The following APOL4 variants were observed in gnomAD, a reference collection of about 807,000 sequenced individuals.
APOL4 encodes apolipoprotein L4.
Under a neutral mutation model 12.1 loss-of-function variants are expected in APOL4, and 14 were observed. The observed-to-expected ratio is 1.16, with a 90% CI of 0.76 to 1.81. APOL4 has a LOEUF of 1.81. Among genes scored for constraint, APOL4 ranks in the 40% most tolerant of loss-of-function variants. The probability of loss-of-function intolerance (pLI) is 0.00; values close to 1 mark genes in which losing one functional copy is unlikely to be tolerated. For missense variants in APOL4, 432 were observed against 423.1 expected, an observed-to-expected ratio of 1.02 and a Z score of -0.18; for synonymous variants, 171 against 160.6, an observed-to-expected ratio of 1.06 and a Z score of -0.49.
chr22:36,199,032 C>G (rs1029824143), intron 2 of APOL4, among the ~76,000 whole-genome samples: 1 of 152,230 alleles, frequency 6.6e-6, no homozygotes, highest in Non-Finnish European at 1.5e-5. Flanking sequence ...TCCATTTCCC[C>G]AAGGCTGTCC....
In APOL4 at chr22:36,189,249, T is replaced by G. The variant is rs960349029; in HGVS notation, c.*1826A>C. 1.3e-5 allele frequency: 2 copies of G among 152,264 alleles called. No individual in the cohort carries two copies. The highest frequency in any genetic ancestry group is 2.1e-4 in the South Asian group (1 of 4,836). The allele number at this position is 152,264 out of a possible 1,614,324, so 9.4% of individuals were successfully genotyped here. ...GTTAATTTTCTGGCTCTTTGTCTAC[T>G]ATATATGAGCAACGAGACTTTTACT... On this transcript the variant is annotated 3_prime_UTR_variant, in exon 4 of 4. Coordinates refer to ENST00000683024, the MANE Select transcript of APOL4 (RefSeq NM_001386885.1).
At chr22:36,197,666 T>C (rs2146943856) in intron 2 of APOL4, 1 of 1,549,856 alleles carries the variant, frequency 6.5e-7, no homozygotes, top group African/African-American at 1.4e-5. Context: ...CAGCTTAACC[T>C]CGGCCAGTCA....
At chr22:36,196,369 A>T (rs2014413253) in intron 2 of APOL4, among the ~76,000 whole-genome samples, 1 of 152,168 alleles carries the variant, frequency 6.6e-6, no homozygotes, top group South Asian at 2.1e-4. Flanking sequence ...TGTGTTTAGG[A>T]TGGCAGCATT....
Position 36,197,034 on chromosome 22 carries a change from G to A in APOL4, c.83-1597C>T, listed in dbSNP as rs1375477723. On this transcript the variant is annotated intron_variant, in intron 2 of 3. Transcript: ENST00000683024. ...CTTGTGGCCCCTCCGTGTTGCCTCT[G>A]TCCCCTGCAGGCTGGTCTCAGGGTA... Among the ~76,000 whole-genome samples the A allele has an allele frequency of 3.3e-5, 5 of 152,238 alleles. No homozygotes were observed. In the East Asian group the frequency reaches 7.7e-4, roughly 24 times the overall value.
At chr22:36,198,477 C>T (rs2014476267) in intron 2 of APOL4, among the ~76,000 whole-genome samples, 2 of 152,130 alleles carry the variant, frequency 1.3e-5, no homozygotes, top group African/African-American at 4.8e-5. Context: ...GTTGTTGTGC[C>T]TCAGATGTTT....
intron 2 of APOL4, among the ~76,000 whole-genome samples, 153 bp from the exon 3 acceptor site, chr22:36,195,590 C>T (rs1014909835): frequency 1.4e-5 from 2 of 147,022 alleles, no homozygotes; most frequent in African/African-American, 2.7e-5. Context: ...GAATTGTGTG[C>T]CCCCCAAATT....
chr22:36,191,257 G>C lies in APOL4; in HGVS notation c.865C>G (p.Leu289Val). The C allele has an allele frequency of 6.2e-7, 1 of 1,614,036 alleles. No individual in the cohort carries two copies. Among genetic ancestry groups the C allele is most frequent in the Non-Finnish European group, 8.5e-7 (1 of 1,179,898 alleles). ...TRIVRKVARN[L>V]GKATSGVLVV... ...AGGACACCTGAAGTGGCCTTGCCCAGGTTCCGGGCTACTTTTCTCACTATC... is the reference window on the plus strand; with the variant it reads ...AGGACACCTGAAGTGGCCTTGCCCACGTTCCGGGCTACTTTTCTCACTATC... Residue 289 changes from leucine to valine, a missense_variant, in exon 4 of 4, where the codon CTG becomes GTG. Transcript: ENST00000683024.
At chr22:36,197,357 C>T (rs1330595678) in intron 2 of APOL4, 10 of 330,904 alleles carry the variant, frequency 3.0e-5, no homozygotes, top group African/African-American at 1.3e-4. Context: ...GGGAAATGAA[C>T]GCAGTGCTGA....
chr22:36,191,908 C>T lies in APOL4; in HGVS notation c.214G>A (p.Glu72Lys). The T allele has an allele frequency of 1.3e-6, 2 of 1,583,322 alleles. No individual in the cohort carries two copies. The highest frequency in any genetic ancestry group is 1.7e-6 in the Non-Finnish European group (2 of 1,170,114). ...AGAGCTTCATAGAGAGCATCTGCCT[C>T]TTCCCTGTACCAATAAAGGACAGAT... ...FVRVAELPRE[E>K]ADALYEALKN... is the part of the protein sequence containing the mutation. Residue 72 changes from glutamate to lysine, a missense_variant, in exon 4 of 4, where the codon GAG becomes AAG. Coordinates refer to ENST00000683024, the MANE Select transcript of APOL4 (RefSeq NM_001386885.1).
intron 3 of APOL4, among the ~76,000 whole-genome samples, chr22:36,192,873 G>C (rs1165958341): frequency 6.6e-6 from 1 of 152,212 alleles, no homozygotes; most frequent in Non-Finnish European, 1.5e-5. Flanking sequence ...ACGGCAGCTT[G>C]TGATCCAGCC....
chr22:36,192,736 G>C (rs1379384921), intron 3 of APOL4, among the ~76,000 whole-genome samples: 1 of 152,160 alleles, frequency 6.6e-6, no homozygotes, highest in Admixed American at 6.5e-5. Flanking sequence ...TTGGCTACAG[G>C]CCAGTATAGC....
intron 1 of APOL4, chr22:36,201,464 G>A (rs900782373): frequency 2.2e-6 from 2 of 895,942 alleles, no homozygotes; most frequent in African/African-American, 2.0e-5. Flanking sequence ...GGTAAAAGGG[G>A]GACCCAGTCC....
chr22:36,192,449 C>T (rs1320307534), intron 3 of APOL4, among the ~76,000 whole-genome samples: 10 of 152,146 alleles, frequency 6.6e-5, no homozygotes, highest in Non-Finnish European at 1.5e-4. Context: ...AGTCATCTTC[C>T]GATGCTCTTT....
intron 1 of APOL4, 112 bp downstream of exon 1, chr22:36,201,588 G>C: frequency 2.6e-6 from 3 of 1,142,814 alleles, no homozygotes; most frequent in Non-Finnish European, 3.5e-6. Context: ...TTTGTTCACT[G>C]TGTGACCCCC....
intron 1 of APOL4, 195 bp downstream of exon 1, chr22:36,201,505 G>A: frequency 9.8e-7 from 1 of 1,019,762 alleles, no homozygotes; most frequent in Non-Finnish European, 1.4e-6. Flanking sequence ...AGTATGCAGA[G>A]GGGCGTCTGG....
In APOL4 at chr22:36,191,604, AC is replaced by A; in HGVS notation, c.517del (p.Val173Ter). ...CGTGGCAGATGCTATTCCCAGCCCT[AC>A]CCCAGCTGCAGTAATGCTCAGGCTC... The part of the protein sequence containing the change: ...GLSLSITAAG[V>X]GLGIASATAG... On this transcript the variant is annotated frameshift_variant, in exon 4 of 4. Transcript: ENST00000683024. LOFTEE classifies it low-confidence loss of function (END_TRUNC). 6.2e-7 allele frequency: 1 copy of A among 1,613,466 alleles called. No homozygotes were observed. The highest frequency in any genetic ancestry group is 8.5e-7 in the Non-Finnish European group (1 of 1,179,608).
At chr22:36,200,101 C>T (rs1031920118) in intron 1 of APOL4, among the ~76,000 whole-genome samples, 12 of 149,304 alleles carry the variant, frequency 8.0e-5, no homozygotes, top group East Asian at 2.0e-4. Context: ...GCGGTCGCGC[C>T]GGGCCTGTGA....
intron 1 of APOL4, among the ~76,000 whole-genome samples, chr22:36,200,194 A>C (rs1374675282): frequency 6.6e-6 from 1 of 151,856 alleles, no homozygotes; most frequent in Non-Finnish European, 1.5e-5. Context: ...TTGAACACAG[A>C]GGAATCCACA....
chr22:36,191,768 C>T lies in APOL4; in HGVS notation c.354G>A (p.Glu118=), dbSNP rs1328234620. The part of the protein sequence containing the change: ...EFPQIRWKIQ[E]SIERLRVIAN... The stretch of plus-strand genomic sequence containing the variant: ...CAATGACACGAAGCCTTTCTATGGA[C>T]TCCTGAATCTTCCATCTGATTTGAG... The change falls in exon 4 of 4, where the codon GAG becomes GAA. Residue 118 remains glutamate, a synonymous_variant. Transcript: ENST00000683024. 1.2e-6 allele frequency: 2 copies of T among 1,613,156 alleles called. No homozygotes were observed. The highest frequency in any genetic ancestry group is 1.7e-5 in the Admixed American group (1 of 59,896).
Sources: allele counts gnomAD v4.1 joint callset (sites outside exome capture counted in the v4.1 genomes callset), GRCh38; gene constraint gnomAD v4.1.1; transcripts MANE v1.5; gene names NCBI Gene and HGNC (gene_info 2026-07-23, HGNC 2026-07-21).